The following SPATS1 variants were observed in gnomAD, a reference collection of about 807,000 sequenced individuals.
The protein encoded by SPATS1 is spermatogenesis associated serine rich 1, also known as spermatogenesis-associated serine-rich protein 1.
In SPATS1, 23 loss-of-function variants were observed where a neutral mutation model predicts 33.6. The ratio of observed to expected loss-of-function variants is 0.68; its 90% CI spans 0.49 to 0.97. The LOEUF (loss-of-function observed/expected upper bound fraction) is 0.97. SPATS1 is among the 50% of genes least tolerant of loss of function. The pLI, the probability that SPATS1 is intolerant of heterozygous loss-of-function variation, is 0.00. For synonymous variants in SPATS1, 131 were observed against 125.6 expected (o/e 1.04, Z -0.29); for missense variants, 327 against 361.0 (o/e 0.91, Z 0.76).
In SPATS1 at chr6:44,368,404, A is replaced by G; in HGVS notation, c.600A>G (p.Pro200=). Residue 200 remains proline (P), a synonymous_variant, in exon 6 of 9, where the codon CCA becomes CCG. Transcript: ENST00000674044. ...KYDIDPRNGI[P]KLTPGDNPYM... ...ATATTGATCCCAGGAATGGAATCCCAAAGTTAACTCCAGGCGACAATCCAT... is the reference window on the plus strand; with the variant it reads ...ATATTGATCCCAGGAATGGAATCCCGAAGTTAACTCCAGGCGACAATCCAT... 1 of 1,613,574 alleles carries G rather than the reference A, an allele frequency of 6.2e-7. No individual in the cohort carries two copies. Among genetic ancestry groups the G allele is most frequent in the South Asian group, 1.1e-5 (1 of 91,012 alleles).
intron 2 of SPATS1, among the ~76,000 whole-genome samples, chr6:44,350,425 G>A (rs1363538914): frequency 6.6e-6 from 1 of 152,226 alleles, no homozygotes; most frequent in Non-Finnish European, 1.5e-5. Flanking sequence ...GGCCTCACTT[G>A]GAGAGATTCT....
chr6:44,363,446 AC>A (rs999107440), intron 5 of SPATS1, among the ~76,000 whole-genome samples: 5 of 152,186 alleles, frequency 3.3e-5, no homozygotes, highest in Admixed American at 3.3e-4. Context: ...CAGCCAGCCT[AC>A]CCTGCACTCT....
At chr6:44,374,707 T>C (rs1299992187) in intron 7 of SPATS1, among the ~76,000 whole-genome samples, 9 of 152,018 alleles carry the variant, frequency 5.9e-5, no homozygotes, top group Admixed American at 5.3e-4. Flanking sequence ...CTTTCAGTGT[T>C]TGATTGTTTC....
intron 5 of SPATS1, among the ~76,000 whole-genome samples, chr6:44,363,102 G>A (rs1367011003): frequency 6.6e-6 from 1 of 151,566 alleles, no homozygotes; most frequent in Non-Finnish European, 1.5e-5. Context: ...CTCCCAAAGT[G>A]CTGGGATTAC....
At chr6:44,355,373 A>G (rs1194808179) in intron 3 of SPATS1, among the ~76,000 whole-genome samples, 1 of 152,134 alleles carries the variant, frequency 6.6e-6, no homozygotes, top group African/African-American at 2.4e-5. Flanking sequence ...CATTGTCTGG[A>G]TGTACCATAG....
intron 7 of SPATS1, among the ~76,000 whole-genome samples, chr6:44,373,723 G>A (rs554245253): frequency 1.3e-5 from 2 of 152,322 alleles, no homozygotes; most frequent in Admixed American, 1.3e-4. Flanking sequence ...GACAGAGAGA[G>A]CCAGAATTAG....
Position 44,376,400 on chromosome 6 carries a change from T to C in SPATS1, c.801T>C (p.Asn267=), listed in dbSNP as rs759874305. The change falls in exon 8 of 9, where the codon AAT becomes AAC. Residue 267 remains asparagine (N), a synonymous_variant. Coordinates refer to ENST00000674044, the MANE Select transcript of SPATS1 (RefSeq NM_001372081.1). The part of the protein sequence containing the change: ...WVKEKANSLK[N]EIQEVEELDN... Reference sequence around the variant, plus strand: ...AGGAGAAGGCCAACAGTTTGAAAAATGAGATACAAGAGGTTGAGGAGCTTG... The same window carrying C: ...AGGAGAAGGCCAACAGTTTGAAAAACGAGATACAAGAGGTTGAGGAGCTTG... 1 of 1,608,884 alleles carries C rather than the reference T, an allele frequency of 6.2e-7. No homozygotes were observed. Among genetic ancestry groups the C allele is most frequent in the South Asian group, 1.1e-5 (1 of 90,558 alleles).
At chr6:44,352,621 A>C in intron 2 of SPATS1, 105 bp from the exon 3 acceptor site, 1 of 1,017,946 alleles carries the variant, frequency 9.8e-7, no homozygotes, top group Non-Finnish European at 1.5e-6. Flanking sequence ...GTAAATGTTC[A>C]ATAAATGTTA....
chr6:44,368,135 C>T (rs1477015167), intron 5 of SPATS1, among the ~76,000 whole-genome samples: 2 of 152,202 alleles, frequency 1.3e-5, no homozygotes, highest in African/African-American at 4.8e-5. Flanking sequence ...CCAAAACACT[C>T]CATCTGAATC....
chr6:44,353,766 G>A (rs959667046), intron 3 of SPATS1, among the ~76,000 whole-genome samples: 5 of 152,136 alleles, frequency 3.3e-5, no homozygotes, highest in African/African-American at 1.2e-4. Flanking sequence ...AGCCGGGCAA[G>A]GTGGCTCACG....
In SPATS1 at chr6:44,380,156, G is replaced by A. The variant is rs1215447583; in HGVS notation, c.*3093G>A. Among the ~76,000 whole-genome samples the A allele has an allele frequency of 6.6e-6, 1 of 152,096 alleles. No individual in the cohort carries two copies. Among genetic ancestry groups the A allele is most frequent in the Non-Finnish European group, 1.5e-5 (1 of 68,006 alleles). ...CCCTTCACCTCACTGTAGGGTCTTT[G>A]GTAAATAAAAACATGTGGGTGCAGA... On this transcript the variant is annotated 3_prime_UTR_variant, in exon 9 of 9. Transcript: ENST00000674044.
chr6:44,375,818 A>T (rs1318964474), intron 7 of SPATS1, among the ~76,000 whole-genome samples: 1 of 150,998 alleles, frequency 6.6e-6, no homozygotes, highest in Non-Finnish European at 1.5e-5. Flanking sequence ...CAAACAAAAA[A>T]ATATGGGCTG....
chr6:44,342,959 TC>T, intron 1 of SPATS1, 136 bp from the exon 2 acceptor site: 1 of 1,268,536 alleles, frequency 7.9e-7, no homozygotes, highest in Non-Finnish European at 1.1e-6. Context: ...GGAGTAAGGC[TC>T]CCGTTTAGAG....
chr6:44,343,730 G>A (rs1411711036), intron 2 of SPATS1, among the ~76,000 whole-genome samples: 1 of 152,182 alleles, frequency 6.6e-6, no homozygotes, highest in Non-Finnish European at 1.5e-5. Flanking sequence ...TCCATAATTG[G>A]TTAAGGCCGA....
intron 7 of SPATS1, among the ~76,000 whole-genome samples, chr6:44,375,951 C>T (rs1789916895): frequency 6.6e-6 from 1 of 151,814 alleles, no homozygotes; most frequent in African/African-American, 2.4e-5. Context: ...ACTAAAAATA[C>T]AAAAATTAGC....
intron 2 of SPATS1, among the ~76,000 whole-genome samples, chr6:44,345,896 A>C (rs541564407): frequency 2.0e-5 from 3 of 152,344 alleles, no homozygotes; most frequent in Non-Finnish European, 4.4e-5. Context: ...TCCCACCAGC[A>C]ATGATAGGAA....
rs1481641335 is a variant in SPATS1 at position 44,379,844 on chromosome 6, C to T, written c.*2781C>T. ...ACACAACTGTTAGATGATTGAACTT[C>T]TGGAGTTGCAGAGCTACATTTCATC... is the stretch of plus-strand genomic sequence containing the variant. On this transcript the variant is annotated 3_prime_UTR_variant, in exon 9 of 9. Transcript: ENST00000674044. Among the ~76,000 whole-genome samples the T allele has an allele frequency of 2.0e-5, 3 of 151,776 alleles. 1 individual carries two copies. Among genetic ancestry groups the T allele is most frequent in the South Asian group, 4.2e-4 (2 of 4,770 alleles).
intron 5 of SPATS1, among the ~76,000 whole-genome samples, chr6:44,365,877 G>T (rs939486783): frequency 1.3e-5 from 2 of 152,152 alleles, no homozygotes; most frequent in Non-Finnish European, 2.9e-5. Flanking sequence ...AGTGTTATGG[G>T]TCCATCAGCT....
At chr6:44,376,622 A>C (rs1583098970) in intron 8 of SPATS1, 149 bp downstream of exon 8, 2 of 574,560 alleles carry the variant, frequency 3.5e-6, no homozygotes, top group Middle Eastern at 4.7e-4. Context: ...CAACATGGTG[A>C]AACCCCGTCT....
Sources: gnomAD v4.1 joint callset for allele counts (sites outside exome capture counted in the v4.1 genomes callset) on GRCh38, gnomAD v4.1.1 for gene constraint, MANE v1.5 for transcripts, NCBI Gene and HGNC (gene_info 2026-07-23, HGNC 2026-07-21) for gene names.